LSAMP: variants seen among roughly 807,000 people sequenced by gnomAD.
LSAMP encodes the protein limbic system associated membrane protein.
LSAMP carries 7 observed loss-of-function variants against 38.6 expected under a neutral mutation model. The observed-to-expected ratio is 0.18, with a 90% confidence interval of 0.10 to 0.34. LSAMP has a LOEUF of 0.34. LSAMP is among the 10% of genes least tolerant of loss of function. LSAMP has a pLI of 1.00. For missense variants in LSAMP, 313 were observed against 420.0 expected, an observed-to-expected ratio of 0.75 and a Z score of 2.23; for synonymous variants, 154 against 166.8, an observed-to-expected ratio of 0.92 and a Z score of 0.59.
intron 1 of LSAMP, among the ~76,000 whole-genome samples, chr3:116,409,647 A>T (rs2048945314): frequency 6.6e-6 from 1 of 152,048 alleles, no homozygotes; most frequent in Admixed American, 6.6e-5. Context: ...TAATTACTCC[A>T]TATTAACGTA....
chr3:116,429,533 CACAA>C (rs1416645217), intron 1 of LSAMP, among the ~76,000 whole-genome samples: 8 of 152,090 alleles, frequency 5.3e-5, no homozygotes, highest in African/African-American at 1.2e-4. Context: ...AAAGAAGTCA[CACAA>C]ACAAAGCATT....
At chr3:115,877,837 G>A (rs749197558) in intron 3 of LSAMP, among the ~76,000 whole-genome samples, 25 of 152,076 alleles carry the variant, frequency 1.6e-4, no homozygotes, top group South Asian at 8.3e-4. Flanking sequence ...TGATATTTTG[G>A]GGAGGGGGGT....
intron 2 of LSAMP, among the ~76,000 whole-genome samples, chr3:116,085,701 C>T (rs576771142): frequency 4.5e-4 from 69 of 152,262 alleles, no homozygotes; most frequent in Non-Finnish European, 8.4e-4. Flanking sequence ...AAAACGATGA[C>T]TCAGATGTGC....
chr3:116,026,067 G>A (rs919273303), intron 2 of LSAMP, among the ~76,000 whole-genome samples: 1 of 152,164 alleles, frequency 6.6e-6, no homozygotes, highest in African/African-American at 2.4e-5. Flanking sequence ...TTACAGGCAT[G>A]AGCCATTGCA....
chr3:115,881,687 G>GTA (rs2107432805), intron 3 of LSAMP, among the ~76,000 whole-genome samples: 1 of 152,192 alleles, frequency 6.6e-6, no homozygotes, highest in African/African-American at 2.4e-5. Context: ...TATGTGCAGT[G>GTA]TGTTGAATAA....
At chr3:116,358,964 C>A (rs925506186) in intron 1 of LSAMP, among the ~76,000 whole-genome samples, 1 of 152,034 alleles carries the variant, frequency 6.6e-6, no homozygotes, top group Non-Finnish European at 1.5e-5. Context: ...AAATGTGGGC[C>A]TATTTGCCTT....
chr3:116,014,149 A>G (rs1940410769), intron 3 of LSAMP, among the ~76,000 whole-genome samples: 1 of 152,172 alleles, frequency 6.6e-6, no homozygotes, highest in Admixed American at 6.6e-5. Flanking sequence ...TGCATTTAGC[A>G]TGTGCACCAA....
intron 3 of LSAMP, among the ~76,000 whole-genome samples, chr3:115,938,642 C>G (rs1183609464): frequency 6.6e-6 from 1 of 152,108 alleles, no homozygotes; most frequent in African/African-American, 2.4e-5. Context: ...AGAAAAACTT[C>G]CCATGTATAA....
intron 1 of LSAMP, among the ~76,000 whole-genome samples, chr3:116,377,613 G>C (rs1421193753): frequency 6.6e-6 from 1 of 151,962 alleles, no homozygotes; most frequent in African/African-American, 2.4e-5. Context: ...GGATTGCTGG[G>C]TTAAATGGTA....
chr3:116,436,860 C>T (rs1451276945), intron 1 of LSAMP, among the ~76,000 whole-genome samples: 4 of 151,922 alleles, frequency 2.6e-5, no homozygotes, highest in African/African-American at 9.7e-5. Flanking sequence ...AGTCATTATT[C>T]GAAAAAGATA....
At chr3:116,261,573 T>A (rs2046826300) in intron 1 of LSAMP, among the ~76,000 whole-genome samples, 1 of 152,224 alleles carries the variant, frequency 6.6e-6, no homozygotes. Flanking sequence ...TTTTGCTTTG[T>A]TGAAAGTTAT....
intron 3 of LSAMP, among the ~76,000 whole-genome samples, chr3:115,855,646 C>G (rs1342708515): frequency 6.6e-6 from 1 of 152,164 alleles, no homozygotes; most frequent in East Asian, 1.9e-4. Flanking sequence ...ATTCCATCAT[C>G]CAACCAATCT....
intron 1 of LSAMP, among the ~76,000 whole-genome samples, chr3:116,295,821 C>G (rs1372012899): frequency 3.9e-5 from 1 of 25,490 alleles, no homozygotes; most frequent in African/African-American, 1.2e-4. Context: ...AAATGAGATA[C>G]CCTGTGAGAA....
At chr3:116,272,404 T>C (rs2046986337) in intron 1 of LSAMP, among the ~76,000 whole-genome samples, 1 of 152,126 alleles carries the variant, frequency 6.6e-6, no homozygotes, top group African/African-American at 2.4e-5. Flanking sequence ...AGAAAGGCCA[T>C]CTTATTGCAC....
Position 115,852,515 on chromosome 3 carries a change from G to T in LSAMP, c.617C>A (p.Ala206Glu). The T allele has an allele frequency of 6.2e-7, 1 of 1,613,090 alleles. No individual in the cohort carries two copies. Among genetic ancestry groups the T allele is most frequent in the Non-Finnish European group, 8.5e-7 (1 of 1,179,546 alleles). Reference sequence around the variant, plus strand: ...AGTGACCTTGACTTGTTTGACATCCGCCGAGGAGACCTCGTTGGCAGCTTT... The same window carrying T: ...AGTGACCTTGACTTGTTTGACATCCTCCGAGGAGACCTCGTTGGCAGCTTT... ...ECKAANEVSS[A>E]DVKQVKVTVN... Residue 206 changes from alanine to glutamate, a missense_variant, in exon 4 of 7, where the codon GCG becomes GAG. By Grantham distance (107) the Ala-to-Glu change is moderately radical (BLOSUM62 -1). Coordinates refer to ENST00000490035, the MANE Select transcript of LSAMP (RefSeq NM_002338.5).
chr3:116,208,818 A>G (rs1318785590), intron 1 of LSAMP, among the ~76,000 whole-genome samples: 2 of 152,122 alleles, frequency 1.3e-5, no homozygotes, highest in Non-Finnish European at 2.9e-5. Flanking sequence ...TCAGACAGGG[A>G]CATTTAAGTT....
At chr3:116,366,013 T>TAA (rs67452614) in intron 1 of LSAMP, among the ~76,000 whole-genome samples, 1,070 of 28,670 alleles carry the variant, frequency 0.037, 182 homozygotes, top group African/African-American at 0.076. Context: ...TAGAGTATAA[T>TAA]AAAAAAAAAA....
At chr3:116,007,740 T>A (rs1940203117) in intron 3 of LSAMP, among the ~76,000 whole-genome samples, 1 of 152,130 alleles carries the variant, frequency 6.6e-6, no homozygotes, top group African/African-American at 2.4e-5. Context: ...TCTCAAATGC[T>A]CCTATATTTG....
intron 1 of LSAMP, among the ~76,000 whole-genome samples, chr3:116,273,062 G>T (rs192783232): frequency 6.6e-6 from 1 of 152,100 alleles, no homozygotes; most frequent in South Asian, 2.1e-4. Flanking sequence ...CTCACTGTTC[G>T]CTCAAAGGTC....
Sources: allele counts gnomAD v4.1 joint callset (sites outside exome capture counted in the v4.1 genomes callset), GRCh38; gene constraint gnomAD v4.1.1; transcripts MANE v1.5; gene names NCBI Gene and HGNC (gene_info 2026-07-23, HGNC 2026-07-21).